The following CNTNAP2 variants were observed in gnomAD, a reference collection of about 807,000 sequenced individuals.
CNTNAP2 encodes contactin associated protein 2.
Under a neutral mutation model 155.2 loss-of-function variants are expected in CNTNAP2, and 98 were observed. The observed-to-expected ratio is 0.63, with a 90% CI of 0.54 to 0.75. CNTNAP2 has a LOEUF of 0.75. Among genes scored for constraint, CNTNAP2 ranks in the 30% least tolerant of loss-of-function variants. The pLI, the probability that CNTNAP2 is intolerant of heterozygous loss-of-function variation, is 0.00. For missense variants in CNTNAP2, 1,727 were observed against 1,688.1 expected (o/e 1.02, Z -0.40); for synonymous variants, 651 against 631.2 (o/e 1.03, Z -0.47).
intron 3 of CNTNAP2, among the ~76,000 whole-genome samples, chr7:146,884,072 G>A (rs1296256509): frequency 2.0e-5 from 3 of 152,132 alleles, no homozygotes; most frequent in East Asian, 3.9e-4. Context: ...AACAAACTCC[G>A]TAATATAATT....
chr7:147,425,981 ATATGTTGTATAGTTC>A lies in CNTNAP2; in HGVS notation c.1670+30207_1670+30221del, dbSNP rs1301291131. Among the ~76,000 whole-genome samples, 8 of 152,090 alleles carry A rather than the reference ATATGTTGTATAGTTC, an allele frequency of 5.3e-5. No homozygotes were observed. In the South Asian group the frequency reaches 1.0e-3, roughly 20 times the overall value. Reference sequence around the variant, plus strand: ...ATTTTATTGTAGAAATCTTATAAGGATATGTTGTATAGTTCTATGTCATTTCCCATGAATTTAAGA... The same window carrying A: ...ATTTTATTGTAGAAATCTTATAAGGATATGTCATTTCCCATGAATTTAAGA... On this transcript the variant is annotated intron_variant, in intron 10 of 23. Coordinates refer to ENST00000361727, the MANE Select transcript of CNTNAP2 (RefSeq NM_014141.6).
rs183393330 is a variant in CNTNAP2, at chr7:146,745,509, C to T, written c.98-28762C>T. Among the ~76,000 whole-genome samples, 264 of 152,112 alleles carry T rather than the reference C, an allele frequency of 1.7e-3. 1 individual carries two copies. Among genetic ancestry groups the T allele is most frequent in the African/African-American group, 5.8e-3 (239 of 41,504 alleles). On this transcript the variant is annotated intron_variant, in intron 1 of 23. Transcript: ENST00000361727. ...AAAAGTCTGTTAAGGCGGCTGGGCG[C>T]GGTAATCCCAGCACTTTGGGAGGCC...
intron 15 of CNTNAP2, among the ~76,000 whole-genome samples, chr7:148,040,514 A>C (rs982633604): frequency 6.6e-6 from 1 of 152,242 alleles, no homozygotes; most frequent in Non-Finnish European, 1.5e-5. Flanking sequence ...AAGAAATGAC[A>C]TGAACAATAT....
chr7:147,322,344 C>T (rs2116822782), intron 9 of CNTNAP2, among the ~76,000 whole-genome samples: 1 of 152,240 alleles, frequency 6.6e-6, no homozygotes, highest in South Asian at 2.1e-4. Flanking sequence ...CTTTGTAATA[C>T]TCCTATATTT....
chr7:148,282,452 T>G (rs1796990610), intron 21 of CNTNAP2, among the ~76,000 whole-genome samples: 1 of 152,224 alleles, frequency 6.6e-6, no homozygotes, highest in Admixed American at 6.5e-5. Flanking sequence ...ATGATAGTAG[T>G]GCCAATATCA....
chr7:146,864,543 A>G (rs1379705463), intron 3 of CNTNAP2, among the ~76,000 whole-genome samples: 1 of 152,186 alleles, frequency 6.6e-6, no homozygotes. Context: ...TTTACATTTT[A>G]TTTAATATTA....
chr7:146,721,724 A>G (rs190593565), intron 1 of CNTNAP2, among the ~76,000 whole-genome samples: 1,262 of 125,264 alleles, frequency 0.01, 70 homozygotes, highest in African/African-American at 0.042. Flanking sequence ...TATATATTCT[A>G]AATACATTAT....
chr7:146,679,336 T>C (rs953095337), intron 1 of CNTNAP2, among the ~76,000 whole-genome samples: 1 of 145,672 alleles, frequency 6.9e-6, no homozygotes, highest in Non-Finnish European at 1.5e-5. Flanking sequence ...GCAAAGGACA[T>C]GATCTTGTTT....
At chr7:147,914,251 A>T (rs1800119392) in intron 14 of CNTNAP2, among the ~76,000 whole-genome samples, 1 of 152,136 alleles carries the variant, frequency 6.6e-6, no homozygotes, top group East Asian at 1.9e-4. Flanking sequence ...TAAAAAAAAA[A>T]TTATTTAGGC....
At chr7:148,347,380 C>T (rs10278502) in intron 21 of CNTNAP2, among the ~76,000 whole-genome samples, 32,564 of 152,020 alleles carry the variant, frequency 0.21, 3,680 homozygotes, top group South Asian at 0.34. Context: ...TAAGCTAACC[C>T]GAGTTACTTG....
At chr7:147,195,915 G>A (rs543363412) in intron 8 of CNTNAP2, among the ~76,000 whole-genome samples, 1 of 152,166 alleles carries the variant, frequency 6.6e-6, no homozygotes, top group East Asian at 1.9e-4. Flanking sequence ...AAGGGAGCTT[G>A]GTACTCTAAG....
intron 1 of CNTNAP2, among the ~76,000 whole-genome samples, chr7:146,489,434 G>C (rs1797106417): frequency 6.6e-6 from 1 of 152,170 alleles, no homozygotes; most frequent in South Asian, 2.1e-4. Context: ...AATGTGTATG[G>C]TTCATGAGAA....
Position 147,575,474 on chromosome 7 carries a change from A to G in CNTNAP2, c.1897+13217A>G, listed in dbSNP as rs185004906. Among the ~76,000 whole-genome samples, 75 of 104,448 alleles carry G rather than the reference A, an allele frequency of 7.2e-4. No individual in the cohort carries two copies. The Admixed American group carries it at 7.4e-3, about 10-fold the overall frequency. 68.5% of individuals were successfully genotyped at this position (104,448 alleles called of 152,430 possible). On this transcript the variant is annotated intron_variant, in intron 12 of 23. Transcript: ENST00000361727. The stretch of plus-strand genomic sequence containing the variant: ...ATTCCCTAGCTTTAGGGGTGTATAT[A>G]TGTGTGTGTGTATTCCCTAGCTTTA...
chr7:147,495,911 C>A (rs1798699605), intron 11 of CNTNAP2, among the ~76,000 whole-genome samples: 1 of 152,086 alleles, frequency 6.6e-6, no homozygotes, highest in South Asian at 2.1e-4. Flanking sequence ...GCTCACATTT[C>A]CACCTGAGCT....
intron 15 of CNTNAP2, among the ~76,000 whole-genome samples, chr7:148,054,387 A>C (rs1802968256): frequency 6.6e-6 from 1 of 151,696 alleles, no homozygotes; most frequent in Non-Finnish European, 1.5e-5. Flanking sequence ...ATTTAATCAC[A>C]AAATGGGACT....
chr7:146,889,032 T>C (rs1795728063), intron 3 of CNTNAP2, among the ~76,000 whole-genome samples: 1 of 151,878 alleles, frequency 6.6e-6, no homozygotes, highest in Non-Finnish European at 1.5e-5. Flanking sequence ...CAGAAAATAA[T>C]AGAGTGGGAG....
chr7:147,946,120 T>A (rs971232505), intron 14 of CNTNAP2, among the ~76,000 whole-genome samples: 4 of 152,052 alleles, frequency 2.6e-5, no homozygotes, highest in Non-Finnish European at 5.9e-5. Context: ...TGAAATACAC[T>A]ACCCAAACAC....
At position 146,798,972 on chromosome 7, in the gene CNTNAP2, C is replaced by G. The variant is rs769506345; in HGVS notation, c.208+24591C>G. 3.3e-5 allele frequency among the ~76,000 whole-genome samples: 5 copies of G among 152,214 alleles called. No homozygotes were observed. The South Asian group carries it at 1.0e-3, about 32-fold the overall frequency. ...TAAATTGTATTTCAGGTGGTAGAGA[C>G]TATAGATAAATATCCTCTTTCATAC... On this transcript the variant is annotated intron_variant, in intron 2 of 23. Transcript: ENST00000361727.
chr7:147,616,631 C>T (rs10239233), intron 12 of CNTNAP2, among the ~76,000 whole-genome samples: 44,776 of 151,966 alleles, frequency 0.29, 6,834 homozygotes, highest in East Asian at 0.41. Flanking sequence ...ATCTCCCTTA[C>T]CAATCTGCCT....
Sources: allele counts gnomAD v4.1 joint callset (sites outside exome capture counted in the v4.1 genomes callset), GRCh38; gene constraint gnomAD v4.1.1; transcripts MANE v1.5; gene names NCBI Gene and HGNC (gene_info 2026-07-23, HGNC 2026-07-21).